The following TULP4 variants were observed in gnomAD, a reference collection of about 807,000 sequenced individuals.
TULP4 encodes TUB like protein 4.
TULP4 carries 16 observed loss-of-function variants against 129.0 expected under a neutral mutation model. The ratio of observed to expected loss-of-function variants is 0.12; its 90% CI spans 0.08 to 0.19. The LOEUF (loss-of-function observed/expected upper bound fraction) is 0.19, where lower values mean the gene tolerates loss of function less well. Ranked by LOEUF, TULP4 falls within the 10% of genes least tolerant of loss-of-function variation. The probability of loss-of-function intolerance (pLI) is 1.00; values close to 1 mark genes in which losing one functional copy is unlikely to be tolerated. For synonymous variants in TULP4, 998 were observed against 854.0 expected (o/e 1.17, Z -2.94); for missense variants, 1,842 against 2,059.1 (o/e 0.89, Z 2.04).
chr6:158,255,241 A>G (rs1386463058), intron 1 of TULP4, among the ~76,000 whole-genome samples: 2 of 152,176 alleles, frequency 1.3e-5, no homozygotes, highest in African/African-American at 4.8e-5. Context: ...GTTGGGGACC[A>G]GAGCATGTAC....
At chr6:158,372,680 A>T (rs1027565600) in intron 1 of TULP4, among the ~76,000 whole-genome samples, 4 of 152,180 alleles carry the variant, frequency 2.6e-5, no homozygotes, top group African/African-American at 9.7e-5. Context: ...TTAAAGTAAT[A>T]ATGTTTCTAA....
intron 1 of TULP4, among the ~76,000 whole-genome samples, chr6:158,406,544 A>T (rs1777981548): frequency 6.6e-6 from 1 of 152,230 alleles, no homozygotes; most frequent in Non-Finnish European, 1.5e-5. Context: ...CATAGGGGGT[A>T]CTATTCCACA....
chr6:158,419,223 A>G (rs1459464548), intron 2 of TULP4, among the ~76,000 whole-genome samples: 1 of 152,216 alleles, frequency 6.6e-6, no homozygotes, highest in Non-Finnish European at 1.5e-5. Context: ...TGCTGATAAC[A>G]CAACATAAAC....
chr6:158,288,243 G>A lies in TULP4; in HGVS notation n.116+5865G>A, dbSNP rs140037751. On this transcript the variant is annotated intron_variant and non_coding_transcript_variant, in intron 1 of 1. Transcript: ENST00000432358. ...CAGTTTGTTTGGGATTTCAGCCTAG[G>A]TGGTTTGTTTTCTTTCTTTCCAATC... 2.8e-3 allele frequency among the ~76,000 whole-genome samples: 419 copies of A among 152,146 alleles called. 8 individuals carry two copies. The highest frequency in any genetic ancestry group is 0.024 in the Admixed American group (373 of 15,286).
At chr6:158,347,026 G>A (rs1054363632) in intron 1 of TULP4, among the ~76,000 whole-genome samples, 5 of 152,136 alleles carry the variant, frequency 3.3e-5, no homozygotes, top group African/African-American at 1.2e-4. Context: ...CACTTTTGTT[G>A]TGCTTTTTTC....
chr6:158,385,842 C>CTTTTTTTTTTTTTTTT lies in TULP4; in HGVS notation c.253-27218_253-27203dup, dbSNP rs778595442. 3.4e-3 allele frequency among the ~76,000 whole-genome samples: 201 copies of CTTTTTTTTTTTTTTTT among 59,586 alleles called. 41 individuals carry two copies. Among genetic ancestry groups the CTTTTTTTTTTTTTTTT allele is most frequent in the African/African-American group, 0.011 (156 of 13,882 alleles). The allele number at this position is 59,586 out of a possible 152,430, so 39.1% of individuals were successfully genotyped here. On this transcript the variant is annotated intron_variant, in intron 1 of 13. Transcript: ENST00000367097. ...GGAAAAGTCTACAAATGTGGAATAT[C>CTTTTTTTTTTTTTTTT]TTTTTTTTTTTTTTTTTTTTGAGAA...
At position 158,481,192 on chromosome 6, in the gene TULP4, G is replaced by T; in HGVS notation, c.1389G>T (p.Glu463Asp). ...VGGPCYTLYL[E>D]YLGGLVPILK... Reference sequence around the variant, plus strand: ...GCCCGTGCTACACGCTCTACCTGGAGTACCTGGGCGGGCTTGTGCCCATCC... The same window carrying T: ...GCCCGTGCTACACGCTCTACCTGGATTACCTGGGCGGGCTTGTGCCCATCC... The change falls in exon 8 of 14, where the codon GAG becomes GAT. Residue 463 changes from glutamate to aspartate, a missense_variant. This residue lies in a region of TULP4 where 456 missense variants were observed against 534.3 expected (regional missense o/e 0.85). Transcript: ENST00000367097. 6.2e-7 allele frequency: 1 copy of T among 1,614,256 alleles called. No homozygotes were observed. Among genetic ancestry groups the T allele is most frequent in the Non-Finnish European group, 8.5e-7 (1 of 1,180,042 alleles).
At chr6:158,319,417 C>CTTACTCAG (rs5881251) in intron 1 of TULP4, among the ~76,000 whole-genome samples, 1 of 151,498 alleles carries the variant, frequency 6.6e-6, no homozygotes, top group Non-Finnish European at 1.5e-5. Flanking sequence ...CATCTCTGCC[C>CTTACTCAG]TTACCTTATC....
At chr6:158,429,981 G>A in intron 3 of TULP4, 84 bp downstream of exon 3, 1 of 1,297,576 alleles carries the variant, frequency 7.7e-7, no homozygotes, top group Non-Finnish European at 1.0e-6. Context: ...AGGGGAGCTG[G>A]TGCAAAAGCC....
At chr6:158,409,841 A>G (rs1778053421) in intron 1 of TULP4, among the ~76,000 whole-genome samples, 3 of 152,026 alleles carry the variant, frequency 2.0e-5, no homozygotes, top group Admixed American at 2.0e-4. Flanking sequence ...GTACTGCTGC[A>G]TCTCAACTGA....
intron 1 of TULP4, among the ~76,000 whole-genome samples, chr6:158,363,523 G>C (rs111516869): frequency 6.6e-6 from 1 of 152,042 alleles, no homozygotes; most frequent in Admixed American, 6.6e-5. Context: ...TCACTGTGTC[G>C]CCCAGGCTGG....
chr6:158,257,574 G>T (rs1778273504), intron 1 of TULP4, among the ~76,000 whole-genome samples: 1 of 152,150 alleles, frequency 6.6e-6, no homozygotes, highest in Non-Finnish European at 1.5e-5. Context: ...TCTGTATGAT[G>T]AATCATCAGC....
intron 1 of TULP4, among the ~76,000 whole-genome samples, chr6:158,381,741 G>A (rs1350633467): frequency 1.3e-5 from 2 of 152,176 alleles, no homozygotes; most frequent in African/African-American, 4.8e-5. Context: ...CAATTCAGGT[G>A]TATTTATTCT....
intron 1 of TULP4, chr6:158,232,320 C>G (rs1583658074): frequency 6.7e-6 from 1 of 148,228 alleles, no homozygotes; most frequent in South Asian, 1.9e-4. Context: ...GGGCGCGGGG[C>G]CACTGTCGCC....
chr6:158,354,549 G>A (rs1025980709), intron 1 of TULP4, among the ~76,000 whole-genome samples: 6 of 152,042 alleles, frequency 3.9e-5, no homozygotes, highest in Non-Finnish European at 7.4e-5. Flanking sequence ...TTGCTTTAGG[G>A]AAAAAAATGT....
intron 1 of TULP4, among the ~76,000 whole-genome samples, chr6:158,248,312 C>G (rs1221553623): frequency 6.6e-6 from 1 of 151,970 alleles, no homozygotes; most frequent in Non-Finnish European, 1.5e-5. Flanking sequence ...CTCTGTTGCC[C>G]AGGCTGGAGT....
At chr6:158,378,752 T>C (rs1046461532) in intron 1 of TULP4, among the ~76,000 whole-genome samples, 7 of 152,044 alleles carry the variant, frequency 4.6e-5, no homozygotes, top group African/African-American at 1.7e-4. Context: ...CCCAAAGTGC[T>C]GGGATTACAG....
At chr6:158,499,946 A>G (rs1283543373) in intron 12 of TULP4, among the ~76,000 whole-genome samples, 1 of 152,226 alleles carries the variant, frequency 6.6e-6, no homozygotes, top group African/African-American at 2.4e-5. Flanking sequence ...TCCTAGGCTT[A>G]TGTGGTCCTA....
At chr6:158,335,986 A>G (rs1780023020) in intron 1 of TULP4, among the ~76,000 whole-genome samples, 1 of 152,206 alleles carries the variant, frequency 6.6e-6, no homozygotes, top group Admixed American at 6.5e-5. Flanking sequence ...TAATGTGAAG[A>G]CATATATAGT....
Sources: allele counts gnomAD v4.1 joint callset (sites outside exome capture counted in the v4.1 genomes callset), GRCh38; gene constraint gnomAD v4.1.1; regional missense constraint gnomAD v4.1.1; transcripts MANE v1.5; gene names NCBI Gene and HGNC (gene_info 2026-07-23, HGNC 2026-07-21).